MAK16: variants seen among roughly 807,000 people sequenced by gnomAD.
MAK16 encodes the protein MAK16 homolog.
MAK16 carries 12 observed loss-of-function variants against 49.9 expected under a neutral mutation model. The observed-to-expected ratio is 0.24, with a 90% CI of 0.15 to 0.39. The LOEUF (loss-of-function observed/expected upper bound fraction) is 0.39. MAK16 is among the 10% of genes least tolerant of loss of function. MAK16 has a pLI of 1.00. For missense variants in MAK16, 292 were observed against 363.7 expected, an observed-to-expected ratio of 0.80 and a Z score of 1.60; for synonymous variants, 115 against 126.4, an observed-to-expected ratio of 0.91 and a Z score of 0.60.
intron 8 of MAK16, 95 bp from the exon 9 acceptor site, chr8:33,497,137 C>A: frequency 3.3e-6 from 3 of 914,514 alleles, no homozygotes; most frequent in Non-Finnish European, 3.4e-6. Context: ...AGTGAAAAGA[C>A]TGTGGTTCTC....
Position 33,499,346 on chromosome 8 carries a change from C to G in MAK16, c.*717C>G, listed in dbSNP as rs1585320210. On this transcript the variant is annotated 3_prime_UTR_variant, in exon 10 of 10. Coordinates refer to ENST00000360128, the MANE Select transcript of MAK16 (RefSeq NM_032509.4). ...AATTACTTTCCCCTTTTGCTTGATT[C>G]TTCTTCCTTGGTATCATATTCAAAG... The G allele has an allele frequency of 1.8e-6, 2 of 1,121,438 alleles. No individual in the cohort carries two copies. Among genetic ancestry groups the G allele is most frequent in the East Asian group, 4.8e-5 (2 of 41,500 alleles). The allele number at this position is 1,121,438 out of a possible 1,614,324, so 69.5% of individuals were successfully genotyped here.
chr8:33,493,034 C>T (rs2128824191), intron 6 of MAK16, among the ~76,000 whole-genome samples: 1 of 151,574 alleles, frequency 6.6e-6, no homozygotes, highest in Non-Finnish European at 1.5e-5. Flanking sequence ...ATAGGGATAG[C>T]TTTTCTTTTG....
Position 33,488,407 on chromosome 8 carries a change from A to G in MAK16, c.45A>G (p.Gln15=), listed in dbSNP as rs751298256. ...DVIWDTLGNK[Q]FCSFKIRTKT... ...TCTGGGATACACTAGGAAACAAGCA[A>G]TTTTGTTCCTTCAAAATAAGGTGAG... Residue 15 remains glutamine (Q), a synonymous_variant, in exon 2 of 10, where the codon CAA becomes CAG. Transcript: ENST00000360128. The G allele has an allele frequency of 2.5e-6, 4 of 1,614,230 alleles. No individual in the cohort carries two copies. The highest frequency in any genetic ancestry group is 1.7e-6 in the Non-Finnish European group (2 of 1,180,030).
intron 9 of MAK16, among the ~76,000 whole-genome samples, chr8:33,498,051 G>A (rs576721762): frequency 2.6e-4 from 39 of 148,410 alleles, no homozygotes; most frequent in Non-Finnish European, 5.2e-4. Flanking sequence ...AGCTGAGAGC[G>A]CACCACTACA....
At chr8:33,495,390 C>A in intron 6 of MAK16, 152 bp from the exon 7 acceptor site, 2 of 627,758 alleles carry the variant, frequency 3.2e-6, no homozygotes, top group Non-Finnish European at 2.8e-6. Context: ...AAGAAGAAAT[C>A]TATCTCGTTG....
chr8:33,500,627 T>C lies in MAK16; in HGVS notation c.*1998T>C. 1 of 1,088,160 alleles carries C rather than the reference T, an allele frequency of 9.2e-7. No homozygotes were observed. Among genetic ancestry groups the C allele is most frequent in the Non-Finnish European group, 1.3e-6 (1 of 773,086 alleles). 67.4% of individuals were successfully genotyped at this position (1,088,160 alleles called of 1,614,324 possible). A position where few individuals can be genotyped will look rare whatever the true frequency, so the allele number is the denominator to read the frequency against. Reference sequence around the variant, plus strand: ...AGGTCAAAGTTAAATGAAAAAGACCTAAAAACAGAACCAAAGACAGCCTCT... The same window carrying C: ...AGGTCAAAGTTAAATGAAAAAGACCCAAAAACAGAACCAAAGACAGCCTCT... On this transcript the variant is annotated 3_prime_UTR_variant, in exon 10 of 10. Coordinates refer to ENST00000360128, the MANE Select transcript of MAK16 (RefSeq NM_032509.4).
At position 33,498,673 on chromosome 8, in the gene MAK16, GTTT is replaced by G; in HGVS notation, c.*58_*60del. 5.0e-4 allele frequency: 583 copies of G among 1,171,278 alleles called. No individual in the cohort carries two copies. Among genetic ancestry groups the G allele is most frequent in the Middle Eastern group, 1.8e-3 (6 of 3,344 alleles). 72.6% of individuals were successfully genotyped at this position (1,171,278 alleles called of 1,614,324 possible). Reference sequence around the variant, plus strand: ...TACCCAGGACTGAACATGCAGAACTGTTTTTTTTTTTTTTTTATCTTAAACACA... The same window carrying G: ...TACCCAGGACTGAACATGCAGAACTGTTTTTTTTTTTTTATCTTAAACACA... On this transcript the variant is annotated 3_prime_UTR_variant, in exon 10 of 10. Transcript: ENST00000360128.
intron 6 of MAK16, among the ~76,000 whole-genome samples, chr8:33,491,676 C>T (rs1337161498): frequency 1.4e-5 from 2 of 140,698 alleles, no homozygotes; most frequent in African/African-American, 5.5e-5. Context: ...CTCTATTGTC[C>T]AGGCTGGAGT....
At position 33,495,623 on chromosome 8, in the gene MAK16, A is replaced by G. The variant is rs765826131; in HGVS notation, c.522+7A>G. The G allele has an allele frequency of 4.4e-6, 7 of 1,607,200 alleles. No individual in the cohort carries two copies. Among genetic ancestry groups the G allele is most frequent in the Non-Finnish European group, 6.0e-6 (7 of 1,175,576 alleles). Reference sequence around the variant, plus strand: ...GAGACTGAAACAAGATACGGTGAGAAAGCCATTAGCTTTGGGGTACTGAAA... The same window carrying G: ...GAGACTGAAACAAGATACGGTGAGAGAGCCATTAGCTTTGGGGTACTGAAA... On this transcript the variant is annotated splice_region_variant and intron_variant, in intron 7 of 9. Transcript: ENST00000360128.
intron 6 of MAK16, among the ~76,000 whole-genome samples, chr8:33,492,462 G>C (rs1041291745): frequency 6.6e-6 from 1 of 152,156 alleles, no homozygotes; most frequent in East Asian, 1.9e-4. Flanking sequence ...TTGCTTGTGG[G>C]ATATTAAGAA....
chr8:33,487,544 G>A (rs1428917913), intron 1 of MAK16, among the ~76,000 whole-genome samples: 2 of 151,694 alleles, frequency 1.3e-5, no homozygotes, highest in East Asian at 3.9e-4. Context: ...TCCTGCCTCA[G>A]CCTCTCAAGT....
chr8:33,497,338 C>CAAAAAA (rs35141506), intron 9 of MAK16, 41 bp downstream of exon 9: 3 of 532,604 alleles, frequency 5.6e-6, no homozygotes, highest in South Asian at 2.8e-5. Context: ...TGGCCTGCAG[C>CAAAAAA]AAAAAAAAAA....
Position 33,485,200 on chromosome 8 carries a change from G to A in MAK16, c.-7G>A, listed in dbSNP as rs767606944. On this transcript the variant is annotated 5_prime_UTR_variant, in exon 1 of 10. Coordinates refer to ENST00000360128, the MANE Select transcript of MAK16 (RefSeq NM_032509.4). ...GACCGGAAGTTGCACGCTGAGCCGC[G>A]GACACCATGCAGTCGGATGATGTGA... 3 of 1,614,058 alleles carry A rather than the reference G, an allele frequency of 1.9e-6. No individual in the cohort carries two copies. Among genetic ancestry groups the A allele is most frequent in the East Asian group, 2.2e-5 (1 of 44,884 alleles).
chr8:33,489,037 A>G lies in MAK16; in HGVS notation c.290A>G (p.Asn97Ser). 6.2e-7 allele frequency: 1 copy of G among 1,614,192 alleles called. No homozygotes were observed. Among genetic ancestry groups the G allele is most frequent in the Non-Finnish European group, 8.5e-7 (1 of 1,180,002 alleles). Reference sequence around the variant, plus strand: ...AAAGCACTGGAGCAAATAGATGAAAATCTGATTTACTGGCCCCGTTTCATT... The same window carrying G: ...AAAGCACTGGAGCAAATAGATGAAAGTCTGATTTACTGGCCCCGTTTCATT... ...YEKALEQIDE[N>S]LIYWPRFIRH... The change falls in exon 5 of 10, where the codon AAT becomes AGT. Residue 97 changes from asparagine (N) to serine (S), a missense_variant. Transcript: ENST00000360128. This position sits in a 1 kb window ranked among gnomAD's most constrained non-coding sequence, Gnocchi z 4.2.
chr8:33,491,998 A>G (rs949251077), intron 6 of MAK16, among the ~76,000 whole-genome samples: 2 of 150,538 alleles, frequency 1.3e-5, no homozygotes, highest in Admixed American at 6.7e-5. Context: ...AGCTCCTTAT[A>G]TAGTCTGGAT....
intron 7 of MAK16, among the ~76,000 whole-genome samples, chr8:33,495,846 A>C (rs1312747390): frequency 6.6e-6 from 1 of 151,366 alleles, no homozygotes; most frequent in African/African-American, 2.4e-5. Flanking sequence ...CCTCCTGAGT[A>C]GTTGGGATTA....
In MAK16 at chr8:33,489,428, T is replaced by G; in HGVS notation, c.392+289T>G. On this transcript the variant is annotated intron_variant, in intron 5 of 9. Coordinates refer to ENST00000360128, the MANE Select transcript of MAK16 (RefSeq NM_032509.4). This position sits in a 1 kb window ranked among gnomAD's most constrained non-coding sequence, Gnocchi z 4.2. ...CTCACTCTGTCGCCCAGGCTGGAATTTGCAGTGGCGCGACCTCAGCTCACT... is the reference window on the plus strand; with the variant it reads ...CTCACTCTGTCGCCCAGGCTGGAATGTGCAGTGGCGCGACCTCAGCTCACT... 3.3e-6 allele frequency: 1 copy of G among 302,326 alleles called. No individual in the cohort carries two copies. Among genetic ancestry groups the G allele is most frequent in the Non-Finnish European group, 6.2e-6 (1 of 162,514 alleles). 18.7% of individuals were successfully genotyped at this position (302,326 alleles called of 1,614,324 possible).
At position 33,489,259 on chromosome 8, in the gene MAK16, A is replaced by G; in HGVS notation, c.392+120A>G. On this transcript the variant is annotated intron_variant, in intron 5 of 9. Transcript: ENST00000360128. This position sits in a 1 kb window ranked among gnomAD's most constrained non-coding sequence, Gnocchi z 4.2. ...AACTTTGTGGAGTCTGTTATGATGT[A>G]CTAAAGAGAAACTTTAGCTTTGACT... 1.2e-6 allele frequency: 1 copy of G among 842,746 alleles called. No individual in the cohort carries two copies. Among genetic ancestry groups the G allele is most frequent in the Admixed American group, 2.8e-5 (1 of 35,518 alleles). The allele number at this position is 842,746 out of a possible 1,614,324, so 52.2% of individuals were successfully genotyped here.
rs891994638 is a variant in MAK16 at position 33,495,631 on chromosome 8, A to G, written c.522+15A>G. 6.4e-7 allele frequency: 1 copy of G among 1,550,940 alleles called. No homozygotes were observed. On this transcript the variant is annotated intron_variant, in intron 7 of 9. Transcript: ENST00000360128. ...AACAAGATACGGTGAGAAAGCCATT[A>G]GCTTTGGGGTACTGAAATTTTAAGT... is the stretch of plus-strand genomic sequence containing the variant.
Sources: allele counts gnomAD v4.1 joint callset (sites outside exome capture counted in the v4.1 genomes callset), GRCh38; gene constraint gnomAD v4.1.1; non-coding constraint Gnocchi (gnomAD v3.1); transcripts MANE v1.5; gene names NCBI Gene and HGNC (gene_info 2026-07-23, HGNC 2026-07-21).